Variants in ADGRB3 observed in about 807,000 individuals in gnomAD.
ADGRB3 encodes adhesion G protein-coupled receptor B3, also known as brain-specific angiogenesis inhibitor 3.
Under a neutral mutation model 193.4 loss-of-function variants are expected in ADGRB3, and 37 were observed. The observed-to-expected ratio is 0.19, with a 90% CI of 0.15 to 0.25. The LOEUF is 0.25. ADGRB3 is among the 10% of genes least tolerant of loss of function. ADGRB3 has a pLI of 1.00. For missense variants in ADGRB3, 1,637 were observed against 1,852.9 expected, an observed-to-expected ratio of 0.88 and a Z score of 2.14; for synonymous variants, 690 against 644.2, an observed-to-expected ratio of 1.07 and a Z score of -1.08.
intron 3 of ADGRB3, among the ~76,000 whole-genome samples, chr6:68,699,664 A>G (rs925685710): frequency 1.3e-4 from 20 of 151,834 alleles, no homozygotes; most frequent in African/African-American, 4.6e-4. Context: ...CAAACAGAAT[A>G]CAAATACCCA....
intron 3 of ADGRB3, among the ~76,000 whole-genome samples, chr6:68,895,332 T>A (rs1021259706): frequency 1.3e-5 from 2 of 151,932 alleles, no homozygotes; most frequent in African/African-American, 4.8e-5. Flanking sequence ...TATTTTTCTT[T>A]GCTTTATTTT....
rs3839475 is a variant in ADGRB3 at position 69,219,461 on chromosome 6, GTATATA to G, written c.2481-13802_2481-13797del. 1.9e-3 allele frequency among the ~76,000 whole-genome samples: 187 copies of G among 98,956 alleles called. 4 individuals carry two copies. Among genetic ancestry groups the G allele is most frequent in the Middle Eastern group, 7.1e-3 (1 of 140 alleles). The allele number at this position is 98,956 out of a possible 152,430, so 64.9% of individuals were successfully genotyped here. The stretch of plus-strand genomic sequence containing the variant: ...CTTTAACTTAAAAATACACACACAC[GTATATA>G]TATATATATATATATATATATATAT... On this transcript the variant is annotated intron_variant, in intron 17 of 31. Coordinates refer to ENST00000370598, the MANE Select transcript of ADGRB3 (RefSeq NM_001704.3).
intron 17 of ADGRB3, among the ~76,000 whole-genome samples, chr6:69,190,184 G>A (rs1024790399): frequency 6.6e-6 from 1 of 152,032 alleles, no homozygotes; most frequent in Admixed American, 6.6e-5. Flanking sequence ...CTATAAAGTA[G>A]CCTCGGGAAG....
chr6:69,160,945 T>G (rs1235596626), intron 17 of ADGRB3, among the ~76,000 whole-genome samples: 2 of 152,106 alleles, frequency 1.3e-5, no homozygotes, highest in East Asian at 3.9e-4. Flanking sequence ...ATGTGGCCCA[T>G]TAGCTCAATA....
intron 17 of ADGRB3, among the ~76,000 whole-genome samples, chr6:69,130,473 C>A (rs749197985): frequency 6.6e-6 from 1 of 150,732 alleles, no homozygotes; most frequent in African/African-American, 2.4e-5. Context: ...CACTAGTATT[C>A]TTCCAAGAAA....
chr6:69,184,680 AC>A (rs1184376786), intron 17 of ADGRB3, among the ~76,000 whole-genome samples: 1 of 152,152 alleles, frequency 6.6e-6, no homozygotes, highest in Non-Finnish European at 1.5e-5. Context: ...AGCAGGTGGC[AC>A]ATGGATCTCT....
At chr6:68,829,322 A>C in intron 3 of ADGRB3, among the ~76,000 whole-genome samples, 1 of 151,806 alleles carries the variant, frequency 6.6e-6, no homozygotes, top group East Asian at 1.9e-4. Context: ...GGCTGATCTC[A>C]AACTCCTGAC....
At chr6:69,096,585 G>A (rs1353816611) in intron 17 of ADGRB3, among the ~76,000 whole-genome samples, 2 of 152,028 alleles carry the variant, frequency 1.3e-5, no homozygotes, top group Non-Finnish European at 2.9e-5. Flanking sequence ...TTAAAAGTGG[G>A]TGTTTTTCCT....
intron 17 of ADGRB3, among the ~76,000 whole-genome samples, chr6:69,086,617 G>C (rs1050348570): frequency 3.3e-5 from 5 of 152,000 alleles, no homozygotes; most frequent in Non-Finnish European, 5.9e-5. Context: ...ATTTTTTTTG[G>C]TTTGGTTGGG....
rs527775296 is a variant in ADGRB3, at chr6:69,255,266, C to T, written c.2814+16040C>T. Among the ~76,000 whole-genome samples the T allele has an allele frequency of 7.4e-3, 1,120 of 152,202 alleles. 6 individuals are homozygous for T. Among genetic ancestry groups the T allele is most frequent in the Non-Finnish European group, 0.012 (817 of 67,990 alleles). On this transcript the variant is annotated intron_variant, in intron 20 of 31. Transcript: ENST00000370598. Reference sequence around the variant, plus strand: ...TCAAATGGTATTTCTAGTTCTAGATCCCTGAGGAATCGCCACACTGACTTC... The same window carrying T: ...TCAAATGGTATTTCTAGTTCTAGATTCCTGAGGAATCGCCACACTGACTTC...
chr6:68,984,260 A>G (rs1769009505), intron 10 of ADGRB3, among the ~76,000 whole-genome samples: 1 of 152,170 alleles, frequency 6.6e-6, no homozygotes. Context: ...TGCTGCAGTA[A>G]TCCAGACGAG....
At chr6:69,158,337 A>G (rs1774900382) in intron 17 of ADGRB3, among the ~76,000 whole-genome samples, 1 of 151,946 alleles carries the variant, frequency 6.6e-6, no homozygotes, top group Admixed American at 6.6e-5. Context: ...CCCATCTCTC[A>G]TAGCTATGAC....
intron 3 of ADGRB3, among the ~76,000 whole-genome samples, chr6:68,907,869 A>G (rs1222091654): frequency 6.6e-6 from 1 of 151,938 alleles, no homozygotes; most frequent in East Asian, 1.9e-4. Context: ...CCATTTCTGT[A>G]ACATTTTATA....
At chr6:69,085,032 A>G (rs1008375110) in intron 17 of ADGRB3, among the ~76,000 whole-genome samples, 2 of 152,098 alleles carry the variant, frequency 1.3e-5, no homozygotes, top group Admixed American at 6.6e-5. Flanking sequence ...TATTTTTTAA[A>G]GGTATCATAT....
intron 3 of ADGRB3, among the ~76,000 whole-genome samples, chr6:68,851,257 C>T (rs1448130183): frequency 6.6e-6 from 1 of 150,506 alleles, no homozygotes; most frequent in Non-Finnish European, 1.5e-5. Flanking sequence ...CTCTCTCTTT[C>T]TCTCTGTTTC....
chr6:68,682,927 A>G (rs1466346278), intron 3 of ADGRB3, among the ~76,000 whole-genome samples: 10 of 151,802 alleles, frequency 6.6e-5, no homozygotes, highest in Admixed American at 6.6e-4. Flanking sequence ...ATAGGCACCT[A>G]CCACCACGCC....
At chr6:69,309,298 A>G (rs903085170) in intron 20 of ADGRB3, among the ~76,000 whole-genome samples, 2 of 151,720 alleles carry the variant, frequency 1.3e-5, no homozygotes, top group Non-Finnish European at 3.0e-5. Context: ...AGATAATGTG[A>G]TGATACAAGA....
intron 24 of ADGRB3, among the ~76,000 whole-genome samples, chr6:69,336,285 A>G (rs1372776173): frequency 6.6e-6 from 1 of 152,034 alleles, no homozygotes; most frequent in Admixed American, 6.6e-5. Flanking sequence ...TCTTAAGCAG[A>G]AAATTTAAGT....
At chr6:69,062,829 G>T (rs1582432362) in intron 15 of ADGRB3, 105 bp from the exon 16 acceptor site, 2 of 724,534 alleles carry the variant, frequency 2.8e-6, no homozygotes, top group Admixed American at 2.7e-5. Flanking sequence ...TTATGTTTTT[G>T]CTTTGGATGC....
Sources: allele counts gnomAD v4.1 joint callset (sites outside exome capture counted in the v4.1 genomes callset), GRCh38; gene constraint gnomAD v4.1.1; transcripts MANE v1.5; gene names NCBI Gene and HGNC (gene_info 2026-07-23, HGNC 2026-07-21).